APCDD1L: variants seen among roughly 807,000 people sequenced by gnomAD.
APCDD1L encodes the protein protein APCDD1-like.
Under a neutral mutation model 24.2 loss-of-function variants are expected in APCDD1L, and 21 were observed. The observed-to-expected ratio is 0.87, with a 90% CI of 0.61 to 1.25. The LOEUF is 1.25. Among genes scored for constraint, APCDD1L ranks in the 50% most tolerant of loss-of-function variants. APCDD1L has a pLI of 0.00. For synonymous variants in APCDD1L, 321 were observed against 323.6 expected, an observed-to-expected ratio of 0.99 and a Z score of 0.09; for missense variants, 704 against 711.7, an observed-to-expected ratio of 0.99 and a Z score of 0.12.
At chr20:58,479,074 C>T (rs889584946) in intron 1 of APCDD1L, among the ~76,000 whole-genome samples, 2 of 152,284 alleles carry the variant, frequency 1.3e-5, no homozygotes, top group African/African-American at 4.8e-5. Context: ...GAAGCCTCCA[C>T]TAGCTCCACA....
At chr20:58,509,429 C>T (rs1389858949) in intron 1 of APCDD1L, among the ~76,000 whole-genome samples, 8 of 152,198 alleles carry the variant, frequency 5.3e-5, no homozygotes, top group Admixed American at 2.0e-4. Context: ...ATACCCCTGC[C>T]TAGCTCTCCT....
rs900690288 is a variant in APCDD1L, at chr20:58,494,394, A to G, written c.49+20265T>C. Among the ~76,000 whole-genome samples, 6 of 151,284 alleles carry G rather than the reference A, an allele frequency of 4.0e-5. No individual in the cohort carries two copies. The highest frequency in any genetic ancestry group is 7.4e-5 in the Non-Finnish European group (5 of 67,908). ...ATTCTGTCGCATAGGCTAGAGTACA[A>G]TGGGATCGGCTCACTGCAGCCTCAA... On this transcript the variant is annotated intron_variant, in intron 1 of 3. Transcript: ENST00000371149. The surrounding 1 kb of genome is among the most constrained non-coding windows in gnomAD (Gnocchi z 4.8).
chr20:58,470,501 C>T (rs1316982467), intron 2 of APCDD1L, 108 bp downstream of exon 2: 2 of 1,416,254 alleles, frequency 1.4e-6, no homozygotes, highest in African/African-American at 1.4e-5. Context: ...TAGAAGGCCT[C>T]TTGGATAACT....
chr20:58,501,068 A>T (rs1318109978), intron 1 of APCDD1L, among the ~76,000 whole-genome samples: 3 of 152,228 alleles, frequency 2.0e-5, no homozygotes, highest in Admixed American at 6.5e-5. Context: ...AAGATCTGGA[A>T]TACTACCAGT....
intron 1 of APCDD1L, among the ~76,000 whole-genome samples, chr20:58,478,498 G>A (rs951277264): frequency 2.6e-5 from 4 of 151,578 alleles, no homozygotes; most frequent in South Asian, 2.1e-4. Context: ...TGAGGGCTGG[G>A]TCCTCATCTC....
intron 1 of APCDD1L, among the ~76,000 whole-genome samples, chr20:58,504,741 C>T (rs1301264759): frequency 6.6e-6 from 1 of 152,120 alleles, no homozygotes; most frequent in East Asian, 1.9e-4. Flanking sequence ...GGGCACAGGG[C>T]CTTATCTAAA....
intron 1 of APCDD1L, among the ~76,000 whole-genome samples, chr20:58,484,926 G>A (rs1990092453): frequency 6.7e-6 from 1 of 149,682 alleles, no homozygotes. Flanking sequence ...CCAGAAAATG[G>A]TTTCATGCCG....
intron 1 of APCDD1L, among the ~76,000 whole-genome samples, chr20:58,472,767 T>C (rs1429440725): frequency 3.3e-5 from 5 of 152,228 alleles, no homozygotes. Flanking sequence ...AGTGGGATCT[T>C]GAAAGAGAGA....
At chr20:58,499,217 A>T (rs1990383117) in intron 1 of APCDD1L, among the ~76,000 whole-genome samples, 1 of 152,168 alleles carries the variant, frequency 6.6e-6, no homozygotes, top group Non-Finnish European at 1.5e-5. Flanking sequence ...AGGGGAAGGA[A>T]AACAGGGGCT....
rs1989611978 is a variant in APCDD1L at position 58,461,571 on chromosome 20, A to G, written c.742-17T>C. The G allele has an allele frequency of 2.3e-5, 33 of 1,412,868 alleles. No individual in the cohort carries two copies. In the East Asian group the frequency reaches 8.4e-4, roughly 36 times the overall value. The allele number at this position is 1,412,868 out of a possible 1,614,324, so 87.5% of individuals were successfully genotyped here. ...CACGTGGTGCTGGCAAAAGACAAAC[A>G]GAAAAACGGTGGTTGTCCCACATAG... On this transcript the variant is annotated splice_polypyrimidine_tract_variant and intron_variant, in intron 3 of 3. Coordinates refer to ENST00000371149, the MANE Select transcript of APCDD1L (RefSeq NM_153360.3). This position sits in a 1 kb window ranked among gnomAD's most constrained non-coding sequence, Gnocchi z 6.0.
At position 58,494,012 on chromosome 20, in the gene APCDD1L, A is replaced by G. The variant is rs1990272621; in HGVS notation, c.49+20647T>C. Among the ~76,000 whole-genome samples the G allele has an allele frequency of 6.6e-6, 1 of 152,236 alleles. No homozygotes were observed. Among genetic ancestry groups the G allele is most frequent in the African/African-American group, 2.4e-5 (1 of 41,462 alleles). The stretch of plus-strand genomic sequence containing the variant: ...ATGTATTATATACTGTATTCTTACA[A>G]TAAAGTGAGCTAGAGAAAAGGTTAT... On this transcript the variant is annotated intron_variant, in intron 1 of 3. Coordinates refer to ENST00000371149, the MANE Select transcript of APCDD1L (RefSeq NM_153360.3). This position sits in a 1 kb window ranked among gnomAD's most constrained non-coding sequence, Gnocchi z 4.8.
chr20:58,511,208 C>G (rs945196259), intron 1 of APCDD1L, among the ~76,000 whole-genome samples: 4 of 152,222 alleles, frequency 2.6e-5, no homozygotes, highest in Non-Finnish European at 4.4e-5. Context: ...GGAACCAGGT[C>G]TGCCTAATTC....
intron 3 of APCDD1L, among the ~76,000 whole-genome samples, chr20:58,465,337 G>C (rs1568734029): frequency 6.6e-6 from 1 of 152,202 alleles, no homozygotes; most frequent in Non-Finnish European, 1.5e-5. Context: ...TGGAGGAGGG[G>C]GTGGGGGAAG....
In APCDD1L at chr20:58,494,767, C is replaced by T. The variant is rs1478924601; in HGVS notation, c.49+19892G>A. Among the ~76,000 whole-genome samples the T allele has an allele frequency of 6.6e-6, 1 of 152,194 alleles. No individual in the cohort carries two copies. Among genetic ancestry groups the T allele is most frequent in the Non-Finnish European group, 1.5e-5 (1 of 68,044 alleles). On this transcript the variant is annotated intron_variant, in intron 1 of 3. Coordinates refer to ENST00000371149, the MANE Select transcript of APCDD1L (RefSeq NM_153360.3). This position sits in a 1 kb window ranked among gnomAD's most constrained non-coding sequence, Gnocchi z 4.8. ...AAGTGCTACGAGCCCCGTACTTTGC[C>T]TGTGATTCCTGTCTCACGATCATCT...
rs1003737310 is a variant in APCDD1L, at chr20:58,511,823, A to G, written c.49+2836T>C. 2.0e-5 allele frequency among the ~76,000 whole-genome samples: 3 copies of G among 152,102 alleles called. No individual in the cohort carries two copies. In the South Asian group the frequency reaches 6.2e-4, roughly 32 times the overall value. On this transcript the variant is annotated intron_variant, in intron 1 of 3. Transcript: ENST00000371149. Reference sequence around the variant, plus strand: ...TATTATGGAATAGCTTGTGATTTTGACCTAGTTAATCTGACTGTAAATGAT... The same window carrying G: ...TATTATGGAATAGCTTGTGATTTTGGCCTAGTTAATCTGACTGTAAATGAT...
Position 58,514,967 on chromosome 20 carries a change from C to G in APCDD1L, c.-260G>C. ...CAGCCCCCGGCGAGGCGCGCACACC[C>G]GCGCAGCGCGCACAGCCCCCTGGTG... is the stretch of plus-strand genomic sequence containing the variant. On this transcript the variant is annotated 5_prime_UTR_variant, in exon 1 of 4. Coordinates refer to ENST00000371149, the MANE Select transcript of APCDD1L (RefSeq NM_153360.3). The G allele has an allele frequency of 2.9e-6, 1 of 347,156 alleles. No individual in the cohort carries two copies. The allele number at this position is 347,156 out of a possible 1,614,324, so 21.5% of individuals were successfully genotyped here.
chr20:58,463,252 T>G (rs1337585303), intron 3 of APCDD1L, among the ~76,000 whole-genome samples: 2 of 152,024 alleles, frequency 1.3e-5, no homozygotes, highest in Non-Finnish European at 1.5e-5. Flanking sequence ...AAGATGTTCA[T>G]TGTCGTGTTA....
intron 1 of APCDD1L, among the ~76,000 whole-genome samples, chr20:58,513,453 C>A (rs75511803): frequency 6.6e-6 from 1 of 152,072 alleles, no homozygotes; most frequent in Non-Finnish European, 1.5e-5. Context: ...CTTCAAACTG[C>A]GGAGGCACCC....
At position 58,461,146 on chromosome 20, in the gene APCDD1L, C is replaced by A; in HGVS notation, c.1150G>T (p.Ala384Ser). The A allele has an allele frequency of 6.2e-7, 1 of 1,612,652 alleles. No homozygotes were observed. The highest frequency in any genetic ancestry group is 2.2e-5 in the East Asian group (1 of 44,826). The change falls in exon 4 of 4, where the codon GCC becomes TCC. Residue 384 changes from alanine (A) to serine (S), a missense_variant. By Grantham distance (99) the Ala-to-Ser change is moderately conservative. Transcript: ENST00000371149. This position sits in a 1 kb window ranked among gnomAD's most constrained non-coding sequence, Gnocchi z 6.0. ...TCCCGCTCAGTGCCCATGGACCAGG[C>A]CCCCGCACCCCCACAGCTGCTTGGC... ...SEPSSCGGAG[A>S]WSMGTERDVT... is the part of the protein sequence containing the mutation.
Sources: allele counts gnomAD v4.1 joint callset (sites outside exome capture counted in the v4.1 genomes callset), GRCh38; gene constraint gnomAD v4.1.1; non-coding constraint Gnocchi (gnomAD v3.1); transcripts MANE v1.5; gene names NCBI Gene and HGNC (gene_info 2026-07-23, HGNC 2026-07-21).